The following TNFSF4 variants were observed in gnomAD, a reference collection of about 807,000 sequenced individuals.
The protein encoded by TNFSF4 is TNF superfamily member 4.
TNFSF4 carries 4 observed loss-of-function variants against 7.3 expected under a neutral mutation model. The observed-to-expected ratio is 0.55, with a 90% CI of 0.27 to 1.25. The LOEUF (loss-of-function observed/expected upper bound fraction) is 1.25. Among genes scored for constraint, TNFSF4 ranks in the 50% most tolerant of loss-of-function variants. The pLI, the probability that TNFSF4 is intolerant of heterozygous loss-of-function variation, is 0.12. For missense variants in TNFSF4, 181 were observed against 208.8 expected (o/e 0.87, Z 0.82); for synonymous variants, 76 against 83.7 (o/e 0.91, Z 0.50).
the TNFSF4 span, among the ~76,000 whole-genome samples, chr1:173,400,327 T>C: frequency 1.3e-5 from 2 of 152,180 alleles, no homozygotes; most frequent in African/African-American, 2.4e-5. Flanking sequence ...ATGCTCTGAA[T>C]CAGCAAGGAA....
intron 2 of TNFSF4, among the ~76,000 whole-genome samples, chr1:173,188,023 A>T (rs1315132611): frequency 2.6e-5 from 4 of 152,220 alleles, no homozygotes; most frequent in African/African-American, 9.6e-5. Context: ...AAAAATGAAT[A>T]TTCGTGTGGA....
At chr1:173,428,241 G>A in the TNFSF4 span, among the ~76,000 whole-genome samples, 13 of 152,078 alleles carry the variant, frequency 8.5e-5, no homozygotes, top group African/African-American at 2.4e-4. Flanking sequence ...CACCACGCCC[G>A]ACCTCTATTA....
the TNFSF4 span, chr1:173,363,446 TTG>T: frequency 1.9e-4 from 67 of 357,404 alleles, no homozygotes; most frequent in African/African-American, 1.4e-3. Flanking sequence ...TTGGATTCAA[TTG>T]TTTCTCTAGA....
chr1:173,347,489 T>C, the TNFSF4 span, among the ~76,000 whole-genome samples: 2 of 152,342 alleles, frequency 1.3e-5, no homozygotes, highest in East Asian at 3.9e-4. Context: ...CATGCAACAA[T>C]GCACTCAATC....
At chr1:173,344,952 CA>C in the TNFSF4 span, among the ~76,000 whole-genome samples, 1 of 152,158 alleles carries the variant, frequency 6.6e-6, no homozygotes, top group Non-Finnish European at 1.5e-5. Context: ...CTCATTGAAA[CA>C]GTTCTTCCCT....
the TNFSF4 span, among the ~76,000 whole-genome samples, chr1:173,225,916 T>A: frequency 6.6e-6 from 1 of 152,212 alleles, no homozygotes; most frequent in Non-Finnish European, 1.5e-5. Flanking sequence ...ATTTTTCTAA[T>A]CATCCTACTA....
chr1:173,360,111 A>C, the TNFSF4 span, among the ~76,000 whole-genome samples: 1 of 152,244 alleles, frequency 6.6e-6, no homozygotes, highest in African/African-American at 2.4e-5. Context: ...CATTCCAACT[A>C]GCCGGCTGAT....
At chr1:173,298,463 G>T in the TNFSF4 span, among the ~76,000 whole-genome samples, 1 of 151,924 alleles carries the variant, frequency 6.6e-6, no homozygotes, top group East Asian at 1.9e-4. Flanking sequence ...AGTTAGAGTG[G>T]TGAAGTAGGA....
At chr1:173,200,606 A>G (rs1649903385) in intron 1 of TNFSF4, among the ~76,000 whole-genome samples, 2 of 152,208 alleles carry the variant, frequency 1.3e-5, no homozygotes, top group African/African-American at 4.8e-5. Flanking sequence ...GACTTATTTT[A>G]TATCTCATTA....
chr1:173,194,738 TA>T (rs926061848), intron 1 of TNFSF4, among the ~76,000 whole-genome samples: 23 of 150,792 alleles, frequency 1.5e-4, no homozygotes, highest in East Asian at 7.8e-4. Context: ...AAAAAAATAA[TA>T]AAAAAAATAG....
chr1:173,305,625 C>T, the TNFSF4 span, among the ~76,000 whole-genome samples: 1 of 151,648 alleles, frequency 6.6e-6, no homozygotes, highest in African/African-American at 2.4e-5. Context: ...TATATTAATT[C>T]ACTTACCCTT....
At chr1:173,422,784 G>A in the TNFSF4 span, among the ~76,000 whole-genome samples, 2 of 152,204 alleles carry the variant, frequency 1.3e-5, no homozygotes, top group Non-Finnish European at 2.9e-5. Flanking sequence ...TTACTGGAAT[G>A]ACGGAACACC....
the TNFSF4 span, among the ~76,000 whole-genome samples, chr1:173,412,679 C>T: frequency 2.8e-4 from 43 of 152,264 alleles, no homozygotes; most frequent in South Asian, 8.9e-3. Flanking sequence ...ACATATTATT[C>T]CATTCATATA....
At chr1:173,398,409 C>CTTTTTTTT in the TNFSF4 span, among the ~76,000 whole-genome samples, 16 of 101,536 alleles carry the variant, frequency 1.6e-4, no homozygotes, top group Non-Finnish European at 1.9e-4. Context: ...TATTTCTTTT[C>CTTTTTTTT]TTTTTTTTTT....
chr1:173,234,044 C>T, the TNFSF4 span, among the ~76,000 whole-genome samples: 2 of 152,182 alleles, frequency 1.3e-5, no homozygotes, highest in Non-Finnish European at 2.9e-5. Flanking sequence ...TTGCAATCTA[C>T]TCATCTGACA....
chr1:173,370,862 C>G, the TNFSF4 span, among the ~76,000 whole-genome samples: 1 of 152,182 alleles, frequency 6.6e-6, no homozygotes, highest in Non-Finnish European at 1.5e-5. Flanking sequence ...GAAAATGGAG[C>G]AGGCCAATCA....
the TNFSF4 span, among the ~76,000 whole-genome samples, chr1:173,281,279 A>T: frequency 6.6e-6 from 1 of 152,180 alleles, no homozygotes; most frequent in Non-Finnish European, 1.5e-5. Context: ...AAGAATTCAG[A>T]TGTAGAGGAT....
the TNFSF4 span, among the ~76,000 whole-genome samples, chr1:173,394,442 G>A: frequency 6.6e-6 from 1 of 152,072 alleles, no homozygotes; most frequent in Non-Finnish European, 1.5e-5. Context: ...AATTTCATGT[G>A]TCAACTTGAC....
the TNFSF4 span, among the ~76,000 whole-genome samples, chr1:173,232,013 T>TTC: frequency 6.6e-6 from 1 of 152,288 alleles, no homozygotes; most frequent in South Asian, 2.1e-4. Context: ...AGAAAGTCAT[T>TTC]GGTAGCTTGA....
Sources: allele counts gnomAD v4.1 joint callset (sites outside exome capture counted in the v4.1 genomes callset), GRCh38; gene constraint gnomAD v4.1.1; transcripts MANE v1.5; gene names NCBI Gene and HGNC (gene_info 2026-07-23, HGNC 2026-07-21).